Variants in TMEM161B observed in about 807,000 individuals in gnomAD.
The protein encoded by TMEM161B is transmembrane protein 161B.
A neutral mutation model predicts 61.8 loss-of-function variants in TMEM161B; 34 were observed. That is an observed-to-expected ratio of 0.55 (90% confidence interval 0.42 to 0.73). TMEM161B has a LOEUF of 0.73. TMEM161B is among the 30% of genes least tolerant of loss of function. The pLI, the probability that TMEM161B is intolerant of heterozygous loss-of-function variation, is 0.00. For missense variants in TMEM161B, 456 were observed against 558.5 expected, an observed-to-expected ratio of 0.82 and a Z score of 1.85; for synonymous variants, 167 against 192.8, an observed-to-expected ratio of 0.87 and a Z score of 1.11.
At chr5:88,201,957 C>T (rs1744488171) in intron 9 of TMEM161B, 1 of 295,724 alleles carries the variant, frequency 3.4e-6, no homozygotes. Flanking sequence ...ACAAAAGGTA[C>T]ACTGCGGAGT....
At chr5:88,237,471 G>C (rs536009702) in intron 2 of TMEM161B, among the ~76,000 whole-genome samples, 1 of 152,158 alleles carries the variant, frequency 6.6e-6, no homozygotes, top group South Asian at 2.1e-4. Flanking sequence ...CATTTTGTGA[G>C]GGACCTACCT....
At position 88,240,922 on chromosome 5, in the gene TMEM161B, TA is replaced by T. The variant is rs751143531; in HGVS notation, c.4-7del. The T allele has an allele frequency of 1.8e-5, 28 of 1,522,724 alleles. No homozygotes were observed. In the Middle Eastern group the frequency reaches 5.3e-4, roughly 29 times the overall value. The allele number at this position is 1,522,724 out of a possible 1,614,324, so 94.3% of individuals were successfully genotyped here. On this transcript the variant is annotated splice_region_variant and splice_polypyrimidine_tract_variant and intron_variant, in intron 1 of 11. Coordinates refer to ENST00000296595, the MANE Select transcript of TMEM161B (RefSeq NM_153354.5). ...AGCTGTATACCTATCACACCCTGTG[TA>T]AAAAAAACAAACAAATTTAATAATG...
intron 1 of TMEM161B, among the ~76,000 whole-genome samples, chr5:88,262,867 C>T (rs1755855916): frequency 6.6e-6 from 1 of 152,070 alleles, no homozygotes; most frequent in South Asian, 2.1e-4. Context: ...TTGTATCTTC[C>T]TCTTAAGATT....
At chr5:88,202,240 A>G (rs1744551432) in intron 9 of TMEM161B, 1 of 408,718 alleles carries the variant, frequency 2.4e-6, no homozygotes, top group South Asian at 1.8e-5. Flanking sequence ...TTACTCTAAC[A>G]GTTCTACAAG....
rs1452804263 is a variant in TMEM161B, at chr5:88,268,796, C to A, written c.-73G>T. On this transcript the variant is annotated 5_prime_UTR_variant, in exon 1 of 12. Coordinates refer to ENST00000296595, the MANE Select transcript of TMEM161B (RefSeq NM_153354.5). ...AGTCCCAAACCTCTTACCTCCCGGT[C>A]CTTGAGCCGAGAGACTCTCAAACAG... 4 of 1,611,146 alleles carry A rather than the reference C, an allele frequency of 2.5e-6. No homozygotes were observed. Among genetic ancestry groups the A allele is most frequent in the African/African-American group, 1.3e-5 (1 of 74,846 alleles).
chr5:88,211,596 GA>G (rs1463743640), intron 5 of TMEM161B, among the ~76,000 whole-genome samples: 1 of 151,644 alleles, frequency 6.6e-6, no homozygotes, highest in Non-Finnish European at 1.5e-5. Context: ...CCCATCTACT[GA>G]AAATATAAAA....
intron 2 of TMEM161B, among the ~76,000 whole-genome samples, chr5:88,229,820 A>G (rs565615327): frequency 6.6e-6 from 1 of 151,688 alleles, no homozygotes; most frequent in African/African-American, 2.4e-5. Context: ...TCCTGGCTTC[A>G]AAGGATCCTC....
At chr5:88,188,266 A>G (rs1345697577), downstream of TMEM161B, among the ~76,000 whole-genome samples, 1 of 127,968 alleles carries the variant, frequency 7.8e-6, no homozygotes, top group Non-Finnish European at 1.6e-5. Flanking sequence ...CACCATGTCC[A>G]GCTAATTTTT....
At chr5:88,263,081 C>A (rs1211438987) in intron 1 of TMEM161B, among the ~76,000 whole-genome samples, 1 of 152,098 alleles carries the variant, frequency 6.6e-6, no homozygotes, top group African/African-American at 2.4e-5. Context: ...AGTATGAGCT[C>A]TTTGCTTGCT....
chr5:88,191,826 G>C (rs1023746735), downstream of TMEM161B, among the ~76,000 whole-genome samples: 5 of 150,312 alleles, frequency 3.3e-5, no homozygotes, highest in Admixed American at 1.3e-4. Context: ...TCATGGTGGC[G>C]GGCGCCTGTA....
intron 1 of TMEM161B, among the ~76,000 whole-genome samples, chr5:88,266,190 A>G (rs1434105227): frequency 6.6e-6 from 1 of 152,196 alleles, no homozygotes; most frequent in Non-Finnish European, 1.5e-5. Context: ...CGGTATACAT[A>G]ATGTATGAGA....
downstream of TMEM161B, among the ~76,000 whole-genome samples, chr5:88,187,400 A>G (rs187912981): frequency 1.4e-4 from 20 of 144,586 alleles, no homozygotes; most frequent in East Asian, 3.7e-3. Flanking sequence ...TTGAATTTAT[A>G]TAACATTTGT....
downstream of TMEM161B, among the ~76,000 whole-genome samples, chr5:88,191,978 A>AG (rs1561287169): frequency 1.2e-4 from 8 of 66,856 alleles, no homozygotes; most frequent in Non-Finnish European, 2.2e-4. Flanking sequence ...AAAAAAAAAA[A>AG]AGTGTATATA....
intron 5 of TMEM161B, among the ~76,000 whole-genome samples, chr5:88,217,553 T>C (rs527431503): frequency 3.6e-4 from 43 of 118,300 alleles, no homozygotes; most frequent in Non-Finnish European, 6.1e-4. Flanking sequence ...AATGTGTGTG[T>C]GGTGGTGGCG....
chr5:88,244,328 G>C (rs1201816445), intron 1 of TMEM161B, among the ~76,000 whole-genome samples: 2 of 151,778 alleles, frequency 1.3e-5, no homozygotes, highest in Non-Finnish European at 2.9e-5. Context: ...GTAAGGAAGG[G>C]GTCTAGCTTT....
chr5:88,193,538 C>T (rs528943110), downstream of TMEM161B, among the ~76,000 whole-genome samples: 243 of 152,134 alleles, frequency 1.6e-3, 1 homozygote, highest in Middle Eastern at 6.8e-3. Context: ...AAAAACTAAA[C>T]CAAACCTGTT....
chr5:88,268,791 C>T lies in TMEM161B; in HGVS notation c.-68G>A. On this transcript the variant is annotated 5_prime_UTR_variant, in exon 1 of 12. Transcript: ENST00000296595. Reference sequence around the variant, plus strand: ...GGGGCAGTCCCAAACCTCTTACCTCCCGGTCCTTGAGCCGAGAGACTCTCA... The same window carrying T: ...GGGGCAGTCCCAAACCTCTTACCTCTCGGTCCTTGAGCCGAGAGACTCTCA... 1 of 1,612,452 alleles carries T rather than the reference C, an allele frequency of 6.2e-7. No homozygotes were observed. The highest frequency in any genetic ancestry group is 8.5e-7 in the Non-Finnish European group (1 of 1,179,066).
chr5:88,262,732 CT>C (rs1320024008), intron 1 of TMEM161B, among the ~76,000 whole-genome samples: 4 of 152,004 alleles, frequency 2.6e-5, no homozygotes, highest in Admixed American at 6.6e-5. Flanking sequence ...ACACTATGGA[CT>C]TTGGGCAATT....
At chr5:88,213,083 T>TTTC (rs1747143621) in intron 5 of TMEM161B, among the ~76,000 whole-genome samples, 1 of 152,194 alleles carries the variant, frequency 6.6e-6, no homozygotes, top group Non-Finnish European at 1.5e-5. Flanking sequence ...CCCTAATGTT[T>TTTC]TTCTATTCAA....
Sources: gnomAD v4.1 joint callset for allele counts (sites outside exome capture counted in the v4.1 genomes callset) on GRCh38, gnomAD v4.1.1 for gene constraint, MANE v1.5 for transcripts, NCBI Gene and HGNC (gene_info 2026-07-23, HGNC 2026-07-21) for gene names.